ABCD2: variants seen among roughly 807,000 people sequenced by gnomAD.
The protein encoded by ABCD2 is ATP binding cassette subfamily D member 2.
Under a neutral mutation model 70.9 loss-of-function variants are expected in ABCD2, and 36 were observed. The ratio of observed to expected loss-of-function variants is 0.51; its 90% CI spans 0.39 to 0.67. ABCD2 has a LOEUF of 0.67. Ranked by LOEUF, ABCD2 falls within the 30% of genes least tolerant of loss-of-function variation. The probability of loss-of-function intolerance (pLI) is 0.00; values close to 1 mark genes in which losing one functional copy is unlikely to be tolerated. For synonymous variants in ABCD2, 304 were observed against 306.9 expected, an observed-to-expected ratio of 0.99 and a Z score of 0.10; for missense variants, 729 against 890.2, an observed-to-expected ratio of 0.82 and a Z score of 2.30.
Position 39,613,120 on chromosome 12 carries a change from C to T in ABCD2, c.1120+3868G>A, listed in dbSNP as rs539324617. Among the ~76,000 whole-genome samples the T allele has an allele frequency of 9.1e-5, 8 of 87,710 alleles. 1 individual carries two copies. The highest frequency in any genetic ancestry group is 6.0e-4 in the African/African-American group (7 of 11,620). The allele number at this position is 87,710 out of a possible 152,430, so 57.5% of individuals were successfully genotyped here. ...TGAGGTTGTGGGCCGGGCGCGGTGG[C>T]TCACGCCTGTAATCCCAGCACTTTG... is the stretch of plus-strand genomic sequence containing the variant. On this transcript the variant is annotated intron_variant, in intron 2 of 9. Coordinates refer to ENST00000308666, the MANE Select transcript of ABCD2 (RefSeq NM_005164.4).
At chr12:39,543,410 T>C in the ABCD2 span, among the ~76,000 whole-genome samples, 4 of 152,178 alleles carry the variant, frequency 2.6e-5, no homozygotes, top group Admixed American at 1.3e-4. Flanking sequence ...TCCTTATCTT[T>C]CTATTTATTA....
At chr12:39,581,474 T>C (rs971694747) in intron 7 of ABCD2, among the ~76,000 whole-genome samples, 2 of 152,166 alleles carry the variant, frequency 1.3e-5, no homozygotes, top group Non-Finnish European at 2.9e-5. Context: ...AGACAAATCC[T>C]TAAAATTTTA....
intron 9 of ABCD2, among the ~76,000 whole-genome samples, chr12:39,562,720 C>G (rs1308005619): frequency 6.6e-6 from 1 of 152,098 alleles, no homozygotes; most frequent in Non-Finnish European, 1.5e-5. Flanking sequence ...GCTTAACTAC[C>G]AAATTCTACC....
chr12:39,606,646 G>A lies in ABCD2; in HGVS notation c.1236+953C>T, dbSNP rs531697029. Among the ~76,000 whole-genome samples, 37 of 152,216 alleles carry A rather than the reference G, an allele frequency of 2.4e-4. 1 individual carries two copies. In the South Asian group the frequency reaches 7.7e-3, roughly 32 times the overall value. On this transcript the variant is annotated intron_variant, in intron 3 of 9. Coordinates refer to ENST00000308666, the MANE Select transcript of ABCD2 (RefSeq NM_005164.4). ...TTTAAAAAAATTGAGTTGCTTGCTA[G>A]CCCTTTGTAATTCTTTTATATAGTT...
Position 39,600,713 on chromosome 12 carries a change from C to T in ABCD2, c.1504G>A (p.Glu502Lys). 1 of 1,605,062 alleles carries T rather than the reference C, an allele frequency of 6.2e-7. No individual in the cohort carries two copies. Among genetic ancestry groups the T allele is most frequent in the African/African-American group, 1.3e-5 (1 of 74,494 alleles). ...GTTATCAAAAGATGCATTCCTTCTT[C>T]TACCTAAAGTAAGAAATAAAATTAC... Reference protein sequence around the residue: ...VVASRLNFKVEEGMHLLITGP... With the variant: ...VVASRLNFKVKEGMHLLITGP... The change falls in exon 6 of 10, where the codon GAA becomes AAA. Residue 502 changes from glutamate to lysine, a missense_variant. By Grantham distance (56) the Glu-to-Lys change is moderately conservative. This residue lies in a region of ABCD2 where 289 missense variants were observed against 328.8 expected (regional missense o/e 0.88). Coordinates refer to ENST00000308666, the MANE Select transcript of ABCD2 (RefSeq NM_005164.4).
chr12:39,601,989 T>C (rs1173583823), intron 5 of ABCD2, among the ~76,000 whole-genome samples: 2 of 151,980 alleles, frequency 1.3e-5, no homozygotes, highest in Non-Finnish European at 2.9e-5. Context: ...CTCAGAAATT[T>C]AACACATTTT....
intron 9 of ABCD2, among the ~76,000 whole-genome samples, chr12:39,564,197 C>A (rs552336304): frequency 6.6e-6 from 1 of 152,168 alleles, no homozygotes. Context: ...CCTGAGGAAT[C>A]GCCACACTGA....
At chr12:39,588,811 A>G (rs1374977740) in intron 6 of ABCD2, among the ~76,000 whole-genome samples, 1 of 152,174 alleles carries the variant, frequency 6.6e-6, no homozygotes, top group African/African-American at 2.4e-5. Flanking sequence ...TGTCATATAA[A>G]ATAAAGAAAT....
chr12:39,571,037 A>G (rs183860372), intron 9 of ABCD2, among the ~76,000 whole-genome samples: 1 of 152,188 alleles, frequency 6.6e-6, no homozygotes, highest in African/African-American at 2.4e-5. Context: ...AAATCACCTC[A>G]CTCTTGTCAG....
chr12:39,553,107 C>T lies in ABCD2; in HGVS notation c.*805G>A, dbSNP rs966376469. The T allele has an allele frequency of 1.3e-5, 2 of 151,814 alleles. No individual in the cohort carries two copies. Among genetic ancestry groups the T allele is most frequent in the South Asian group, 4.2e-4 (2 of 4,810 alleles). 9.4% of individuals were successfully genotyped at this position (151,814 alleles called of 1,614,324 possible). A position where few individuals can be genotyped will look rare whatever the true frequency, so the allele number is the denominator to read the frequency against. ...TGCAGTTCTTAAAATGTAGACTCAT[C>T]CTTGGGCAAAAAAACAAGCTGTGTA... On this transcript the variant is annotated 3_prime_UTR_variant, in exon 10 of 10. Coordinates refer to ENST00000308666, the MANE Select transcript of ABCD2 (RefSeq NM_005164.4).
intron 1 of ABCD2, among the ~76,000 whole-genome samples, chr12:39,618,233 C>A (rs887340325): frequency 1.3e-5 from 2 of 152,066 alleles, no homozygotes; most frequent in African/African-American, 4.8e-5. Flanking sequence ...GGCTCTTCCC[C>A]CCTCTTGGAC....
At chr12:39,586,108 TAA>T (rs1941662199) in intron 7 of ABCD2, 42 bp downstream of exon 7, 2 of 1,548,808 alleles carry the variant, frequency 1.3e-6, no homozygotes, top group Non-Finnish European at 1.8e-6. Flanking sequence ...GCTTACTTTT[TAA>T]AAGTGAAGTT....
At chr12:39,579,112 A>G (rs1443423190) in intron 8 of ABCD2, among the ~76,000 whole-genome samples, 2 of 152,264 alleles carry the variant, frequency 1.3e-5, no homozygotes, top group Non-Finnish European at 2.9e-5. Context: ...CTGTAATCCC[A>G]GCACTTTGGG....
At chr12:39,569,769 A>G (rs1438392983) in intron 9 of ABCD2, among the ~76,000 whole-genome samples, 1 of 151,762 alleles carries the variant, frequency 6.6e-6, no homozygotes, top group Non-Finnish European at 1.5e-5. Flanking sequence ...TCTTGGCTCC[A>G]CTCCCCCAGA....
intron 6 of ABCD2, among the ~76,000 whole-genome samples, chr12:39,592,216 A>G (rs577541325): frequency 1.2e-4 from 18 of 152,380 alleles, no homozygotes; most frequent in African/African-American, 4.3e-4. Context: ...AATTTGCTAC[A>G]GCAATGCTAC....
intron 9 of ABCD2, among the ~76,000 whole-genome samples, chr12:39,567,389 C>T (rs1311444747): frequency 6.6e-6 from 1 of 152,086 alleles, no homozygotes; most frequent in East Asian, 1.9e-4. Context: ...TATGTAATGG[C>T]CTTCTTTGTC....
Position 39,554,006 on chromosome 12 carries a change from A to G in ABCD2, c.2129T>C (p.Ile710Thr). The G allele has an allele frequency of 1.2e-6, 2 of 1,613,574 alleles. No homozygotes were observed. Among genetic ancestry groups the G allele is most frequent in the African/African-American group, 1.3e-5 (1 of 75,034 alleles). Residue 710 changes from isoleucine to threonine, a missense_variant, in exon 10 of 10, where the codon ATT (isoleucine) becomes ACT (threonine). By Grantham distance (89) the Ile-to-Thr change is moderately conservative (BLOSUM62 -1). This residue lies in a region of ABCD2 where 289 missense variants were observed against 328.8 expected (regional missense o/e 0.88). Coordinates refer to ENST00000308666, the MANE Select transcript of ABCD2 (RefSeq NM_005164.4). ...KQKLESQLAG[I>T]PKMQQRLNEL... is the part of the protein sequence containing the mutation. ...ATTGAGTCTCTGCTGCATTTTGGGA[A>G]TTCCAGCTAGCTGAGATTCTAGCTT... is the stretch of plus-strand genomic sequence containing the variant.
rs12313838 is a variant in ABCD2, at chr12:39,611,104, T to C, written c.1121-3390A>G. Among the ~76,000 whole-genome samples the C allele has an allele frequency of 5.8e-3, 889 of 152,324 alleles. 9 individuals are homozygous for C. Among genetic ancestry groups the C allele is most frequent in the African/African-American group, 0.02 (847 of 41,568 alleles). On this transcript the variant is annotated intron_variant, in intron 2 of 9. Coordinates refer to ENST00000308666, the MANE Select transcript of ABCD2 (RefSeq NM_005164.4). ...ATAGTAAAGAGTACATATTGAAAAT[T>C]GGTCACATGTCTTGTTATTTCACAG...
At chr12:39,596,260 C>T (rs767658464) in intron 6 of ABCD2, among the ~76,000 whole-genome samples, 1 of 152,166 alleles carries the variant, frequency 6.6e-6, no homozygotes, top group African/African-American at 2.4e-5. Flanking sequence ...ACACACTGTT[C>T]TATTTTTTCC....
Sources: gnomAD v4.1 joint callset for allele counts (sites outside exome capture counted in the v4.1 genomes callset) on GRCh38, gnomAD v4.1.1 for gene constraint, gnomAD v4.1.1 regional missense constraint, MANE v1.5 for transcripts, NCBI Gene and HGNC (gene_info 2026-07-23, HGNC 2026-07-21) for gene names.